The following KCNK2 variants were observed in gnomAD, a reference collection of about 807,000 sequenced individuals.
The protein encoded by KCNK2 is potassium two pore domain channel subfamily K member 2.
Under a neutral mutation model 40.5 loss-of-function variants are expected in KCNK2, and 21 were observed. The observed-to-expected ratio is 0.52, with a 90% CI of 0.37 to 0.75. The LOEUF (loss-of-function observed/expected upper bound fraction) is 0.75, where lower values mean the gene tolerates loss of function less well. Among genes scored for constraint, KCNK2 ranks in the 30% least tolerant of loss-of-function variants. KCNK2 has a pLI of 0.00. For synonymous variants in KCNK2, 191 were observed against 202.2 expected (o/e 0.94, Z 0.47); for missense variants, 399 against 531.6 (o/e 0.75, Z 2.45).
chr1:215,112,527 T>C (rs1660740855), intron 2 of KCNK2, among the ~76,000 whole-genome samples: 1 of 152,106 alleles, frequency 6.6e-6, no homozygotes, highest in East Asian at 1.9e-4. Context: ...TGAAGAAAGT[T>C]AGTTTTATTT....
chr1:215,142,666 C>G (rs1340225013), intron 3 of KCNK2, among the ~76,000 whole-genome samples: 1 of 152,092 alleles, frequency 6.6e-6, no homozygotes, highest in Non-Finnish European at 1.5e-5. Context: ...TGAGCAGGCT[C>G]AGTAGTGGAA....
intron 2 of KCNK2, among the ~76,000 whole-genome samples, chr1:215,114,038 G>A (rs1660816979): frequency 6.6e-6 from 1 of 151,978 alleles, no homozygotes; most frequent in Non-Finnish European, 1.5e-5. Flanking sequence ...GCTTTTTTGT[G>A]ACTTTTGACT....
chr1:215,093,763 TAATATAA>T (rs1411580840), intron 2 of KCNK2, among the ~76,000 whole-genome samples: 3 of 56,152 alleles, frequency 5.3e-5, no homozygotes, highest in South Asian at 8.6e-4. Context: ...ATATATTATA[TAATATAA>T]AATATATTAT....
At chr1:215,030,683 C>G (rs1657156894) in intron 1 of KCNK2, among the ~76,000 whole-genome samples, 1 of 150,068 alleles carries the variant, frequency 6.7e-6, no homozygotes, top group Non-Finnish European at 1.5e-5. Flanking sequence ...TACAGGTGTG[C>G]ACCACCATAC....
At position 215,202,868 on chromosome 1, in the gene KCNK2, T is replaced by G. The variant is rs536742628; in HGVS notation, c.963+7776T>G. ...AATGAACTCAGATGACTTGACTCCA[T>G]GGCCCAGCCTTTTAACGTTTTAGCT... On this transcript the variant is annotated intron_variant, in intron 6 of 6. Coordinates refer to ENST00000444842, the MANE Select transcript of KCNK2 (RefSeq NM_001017425.3). Among the ~76,000 whole-genome samples, 4 of 152,300 alleles carry G rather than the reference T, an allele frequency of 2.6e-5. No homozygotes were observed. In the South Asian group the frequency reaches 8.3e-4, roughly 32 times the overall value.
At chr1:215,204,447 G>T (rs977879352) in intron 6 of KCNK2, among the ~76,000 whole-genome samples, 1 of 151,786 alleles carries the variant, frequency 6.6e-6, no homozygotes. Flanking sequence ...CTCTTTATAA[G>T]TAATTTCATT....
At chr1:215,028,446 C>T (rs1657071843) in intron 1 of KCNK2, among the ~76,000 whole-genome samples, 1 of 151,874 alleles carries the variant, frequency 6.6e-6, no homozygotes. Context: ...TTTTGGGATT[C>T]TGTCTCAATT....
In KCNK2 at chr1:215,171,914, CTCTT is replaced by C. The variant is rs1308919642; in HGVS notation, c.637-81_637-78del. On this transcript the variant is annotated intron_variant, in intron 4 of 6. Coordinates refer to ENST00000444842, the MANE Select transcript of KCNK2 (RefSeq NM_001017425.3). ...GTATACAAGTAATTTCTCTCTCTCT[CTCTT>C]TGTCTCTCTCTCTCTCTCTCTCTCC... 140 of 898,820 alleles carry C rather than the reference CTCTT, an allele frequency of 1.6e-4. 2 individuals are homozygous for C. The highest frequency in any genetic ancestry group is 1.1e-4 in the African/African-American group (4 of 36,058). 55.7% of individuals were successfully genotyped at this position (898,820 alleles called of 1,614,324 possible).
At chr1:215,044,824 T>C (rs61818264) in intron 1 of KCNK2, among the ~76,000 whole-genome samples, 3,357 of 52,348 alleles carry the variant, frequency 0.064, 72 homozygotes, top group South Asian at 0.37. Flanking sequence ...TGTGTGTGTG[T>C]GTGCGCGCGC....
At chr1:215,207,611 A>G (rs1232721506) in intron 6 of KCNK2, among the ~76,000 whole-genome samples, 1 of 152,242 alleles carries the variant, frequency 6.6e-6, no homozygotes, top group Non-Finnish European at 1.5e-5. Flanking sequence ...AAGCAAATAA[A>G]TAAACAAATA....
chr1:215,025,222 TG>T lies in KCNK2; in HGVS notation c.34+19269del, dbSNP rs146564180. 9.0e-3 allele frequency among the ~76,000 whole-genome samples: 1,367 copies of T among 152,158 alleles called. 16 individuals carry two copies. The highest frequency in any genetic ancestry group is 0.031 in the African/African-American group (1,287 of 41,524). On this transcript the variant is annotated intron_variant, in intron 1 of 6. Transcript: ENST00000391895. ...TATTTTCAATATTATTGTGGGATTA[TG>T]GTGATGGTTAAATAAGTTCAGACAT...
Position 215,235,189 on chromosome 1 carries a change from T to C in KCNK2, c.*44T>C, listed in dbSNP as rs776566359. On this transcript the variant is annotated 3_prime_UTR_variant, in exon 7 of 7. Coordinates refer to ENST00000444842, the MANE Select transcript of KCNK2 (RefSeq NM_001017425.3). Reference sequence around the variant, plus strand: ...TTAGGCATAGCCATAGGTGAGGACTTCTCTATGCTCTTTATGACTGTTGCT... The same window carrying C: ...TTAGGCATAGCCATAGGTGAGGACTCCTCTATGCTCTTTATGACTGTTGCT... The C allele has an allele frequency of 6.7e-7, 1 of 1,484,102 alleles. No individual in the cohort carries two copies. Among genetic ancestry groups the C allele is most frequent in the Non-Finnish European group, 9.2e-7 (1 of 1,085,086 alleles). 91.9% of individuals were successfully genotyped at this position (1,484,102 alleles called of 1,614,324 possible). A position where few individuals can be genotyped will look rare whatever the true frequency, so the allele number is the denominator to read the frequency against.
At position 215,224,329 on chromosome 1, in the gene KCNK2, C is replaced by T. The variant is rs189333913; in HGVS notation, c.964-10499C>T. ...ATTTTTACATGAAACGGACTCTGGA[C>T]GCTATTCTATCAAAAGTCATGGTAG... On this transcript the variant is annotated intron_variant, in intron 6 of 6. Transcript: ENST00000444842. 6.6e-5 allele frequency among the ~76,000 whole-genome samples: 10 copies of T among 152,140 alleles called. No individual in the cohort carries two copies. In the East Asian group the frequency reaches 7.7e-4, roughly 12 times the overall value.
At chr1:215,050,981 T>C (rs938805373) in intron 1 of KCNK2, among the ~76,000 whole-genome samples, 2 of 152,182 alleles carry the variant, frequency 1.3e-5, no homozygotes, top group Non-Finnish European at 2.9e-5. Context: ...ATTTGGGGGA[T>C]GTTTCAAGGA....
intron 1 of KCNK2, among the ~76,000 whole-genome samples, chr1:215,035,605 T>C (rs1657357067): frequency 6.6e-6 from 1 of 152,046 alleles, no homozygotes; most frequent in South Asian, 2.1e-4. Context: ...AGTAACCCAT[T>C]GTATAGATAT....
intron 1 of KCNK2, among the ~76,000 whole-genome samples, chr1:215,042,036 C>T (rs568726492): frequency 7.3e-4 from 111 of 152,268 alleles, no homozygotes; most frequent in African/African-American, 2.5e-3. Flanking sequence ...TATCAGATCT[C>T]ATGAGACTTA....
Position 215,172,187 on chromosome 1 carries a change from A to C in KCNK2, c.823+4A>C, listed in dbSNP as rs1663745775. 1.2e-6 allele frequency: 2 copies of C among 1,609,552 alleles called. No homozygotes were observed. The highest frequency in any genetic ancestry group is 1.7e-6 in the Non-Finnish European group (2 of 1,177,802). The stretch of plus-strand genomic sequence containing the variant: ...GGATTTGGTGACTACGTTGCAGGTA[A>C]GCTTTTCCTGGCATCCATGTTACTC... On this transcript the variant is annotated splice_donor_region_variant and intron_variant, in intron 5 of 6. Transcript: ENST00000444842.
intron 1 of KCNK2, among the ~76,000 whole-genome samples, chr1:215,044,201 G>T (rs368884133): frequency 6.6e-6 from 1 of 152,000 alleles, no homozygotes. Context: ...AATACTAGTC[G>T]TACATGATAG....
At chr1:215,160,897 C>T (rs1266070111) in intron 3 of KCNK2, among the ~76,000 whole-genome samples, 1 of 152,108 alleles carries the variant, frequency 6.6e-6, no homozygotes, top group Non-Finnish European at 1.5e-5. Context: ...GATTATTCCT[C>T]TGGGCATATC....
Sources: gnomAD v4.1 joint callset for allele counts (sites outside exome capture counted in the v4.1 genomes callset) on GRCh38, gnomAD v4.1.1 for gene constraint, MANE v1.5 for transcripts, NCBI Gene and HGNC (gene_info 2026-07-23, HGNC 2026-07-21) for gene names.